Variants in CPEB1 observed in about 807,000 individuals in gnomAD.
CPEB1 encodes the protein cytoplasmic polyadenylation element binding protein 1, also known as cytoplasmic polyadenylation element-binding protein 1.
CPEB1 carries 7 observed loss-of-function variants against 65.8 expected under a neutral mutation model. The observed-to-expected ratio is 0.11, with a 90% CI of 0.06 to 0.20. The LOEUF is 0.20. Ranked by LOEUF, CPEB1 falls within the 10% of genes least tolerant of loss-of-function variation. The pLI, the probability that CPEB1 is intolerant of heterozygous loss-of-function variation, is 1.00. For synonymous variants in CPEB1, 262 were observed against 260.0 expected, an observed-to-expected ratio of 1.01 and a Z score of -0.08; for missense variants, 551 against 712.2, an observed-to-expected ratio of 0.77 and a Z score of 2.58.
At chr15:82,561,803 T>C (rs1303820983) in intron 4 of CPEB1, among the ~76,000 whole-genome samples, 1 of 152,200 alleles carries the variant, frequency 6.6e-6, no homozygotes, top group African/African-American at 2.4e-5. Flanking sequence ...ATCTCTGTAG[T>C]GATCCTCTAA....
chr15:82,589,877 A>G (rs1567204995), intron 3 of CPEB1, among the ~76,000 whole-genome samples: 2 of 152,228 alleles, frequency 1.3e-5, no homozygotes, highest in Non-Finnish European at 2.9e-5. Context: ...CAGTATAACT[A>G]TTTACACTGC....
At chr15:82,569,516 G>A (rs2039689713) in intron 4 of CPEB1, among the ~76,000 whole-genome samples, 1 of 152,178 alleles carries the variant, frequency 6.6e-6, no homozygotes, top group African/African-American at 2.4e-5. Flanking sequence ...ATGGAAAGTG[G>A]AAAAGAAAAA....
At chr15:82,611,599 A>G (rs2044157504) in intron 3 of CPEB1, among the ~76,000 whole-genome samples, 1 of 151,914 alleles carries the variant, frequency 6.6e-6, no homozygotes, top group Non-Finnish European at 1.5e-5. Flanking sequence ...TCTACAAAAA[A>G]ATAAAAATAA....
rs587761633 is a variant in CPEB1, at chr15:82,643,759, TG to T, written c.-98+3377del. Among the ~76,000 whole-genome samples the T allele has an allele frequency of 5.0e-3, 754 of 152,318 alleles. 8 individuals are homozygous for T. The highest frequency in any genetic ancestry group is 0.017 in the African/African-American group (710 of 41,582). On this transcript the variant is annotated intron_variant, in intron 1 of 12. Transcript: ENST00000684509. ...AATTGAAACCCCAGCCCCTCATTTC[TG>T]GGGCAGGGCTATTTTATGCCCCGGG...
chr15:82,553,088 C>T (rs1317583498), intron 8 of CPEB1, among the ~76,000 whole-genome samples: 3 of 152,184 alleles, frequency 2.0e-5, no homozygotes, highest in Non-Finnish European at 4.4e-5. Context: ...CTGCCAACTC[C>T]AAAGGGACTT....
chr15:82,608,999 C>A (rs2043882324), intron 3 of CPEB1, among the ~76,000 whole-genome samples: 1 of 152,100 alleles, frequency 6.6e-6, no homozygotes, highest in Admixed American at 6.6e-5. Flanking sequence ...GTACATTCTG[C>A]AACCACAAAA....
intron 3 of CPEB1, among the ~76,000 whole-genome samples, chr15:82,625,229 TAA>T (rs1025438215): frequency 1.7e-4 from 26 of 152,268 alleles, no homozygotes; most frequent in African/African-American, 6.0e-4. Context: ...CAGCGTAAAC[TAA>T]AAGAGAATTG....
At chr15:82,646,904 G>T (rs1430159421) in intron 1 of CPEB1, 5 of 152,382 alleles carry the variant, frequency 3.3e-5, no homozygotes, top group Admixed American at 1.3e-4. Context: ...CACGGGGGGC[G>T]ACTCGTCCAG....
chr15:82,587,180 T>C (rs2151127775), intron 3 of CPEB1, among the ~76,000 whole-genome samples: 2 of 152,260 alleles, frequency 1.3e-5, no homozygotes, highest in South Asian at 4.2e-4. Flanking sequence ...TGATGAGCCA[T>C]TTAGGTAATT....
intron 3 of CPEB1, among the ~76,000 whole-genome samples, chr15:82,618,292 C>T (rs920579912): frequency 2.0e-5 from 3 of 152,176 alleles, no homozygotes; most frequent in African/African-American, 7.2e-5. Flanking sequence ...GAGGCAAAAA[C>T]ACTTTTTGTG....
chr15:82,618,038 G>T (rs554810825), intron 3 of CPEB1, among the ~76,000 whole-genome samples: 1 of 151,546 alleles, frequency 6.6e-6, no homozygotes, highest in Non-Finnish European at 1.5e-5. Context: ...ATTAACTTTT[G>T]TAACTTCTTT....
intron 1 of CPEB1, among the ~76,000 whole-genome samples, chr15:82,638,276 T>G (rs2046828968): frequency 6.6e-6 from 1 of 152,200 alleles, no homozygotes; most frequent in Non-Finnish European, 1.5e-5. Flanking sequence ...TGCTGTTACA[T>G]TAAAACACAT....
intron 4 of CPEB1, among the ~76,000 whole-genome samples, chr15:82,561,113 G>C (rs2150994916): frequency 6.6e-6 from 1 of 152,366 alleles, no homozygotes; most frequent in Non-Finnish European, 1.5e-5. Flanking sequence ...ACACGAAGAG[G>C]TGGGACATTG....
At chr15:82,622,371 C>T (rs1319288071) in intron 3 of CPEB1, among the ~76,000 whole-genome samples, 4 of 151,948 alleles carry the variant, frequency 2.6e-5, no homozygotes, top group South Asian at 2.1e-4. Flanking sequence ...TGTATATAAA[C>T]GGGGAATTCA....
intron 3 of CPEB1, among the ~76,000 whole-genome samples, chr15:82,616,236 A>C (rs2044695072): frequency 6.6e-6 from 1 of 152,078 alleles, no homozygotes; most frequent in African/African-American, 2.4e-5. Context: ...TTGTTTTGTG[A>C]CAATTTACCC....
In CPEB1 at chr15:82,628,519, T is replaced by C; in HGVS notation, c.-60A>G. ...TTATTCAAGGCTGCTTTTGACTTCT[T>C]TTACAATACAGACCCTTCTATTACA... On this transcript the variant is annotated 5_prime_UTR_variant, in exon 2 of 13. Coordinates refer to ENST00000684509, the MANE Select transcript of CPEB1 (RefSeq NM_001365242.1). 1.4e-6 allele frequency: 1 copy of C among 698,424 alleles called. No individual in the cohort carries two copies. Among genetic ancestry groups the C allele is most frequent in the Non-Finnish European group, 2.6e-6 (1 of 383,554 alleles). 43.3% of individuals were successfully genotyped at this position (698,424 alleles called of 1,614,324 possible).
rs754534576 is a variant in CPEB1, at chr15:82,572,971, G to A, written c.272-1439C>T. 82 of 1,416,976 alleles carry A rather than the reference G, an allele frequency of 5.8e-5. No homozygotes were observed. In the African/African-American group the frequency reaches 1.1e-3, roughly 18 times the overall value. The allele number at this position is 1,416,976 out of a possible 1,614,324, so 87.8% of individuals were successfully genotyped here. The stretch of plus-strand genomic sequence containing the variant: ...ACTGGGCTTCTTCCTCATAAAGGAG[G>A]GTAGGGCAACAGGCCCAGACTCACC... On this transcript the variant is annotated intron_variant, in intron 3 of 12. Coordinates refer to ENST00000684509, the MANE Select transcript of CPEB1 (RefSeq NM_001365242.1).
At chr15:82,615,072 A>C (rs2044584269) in intron 3 of CPEB1, among the ~76,000 whole-genome samples, 1 of 152,172 alleles carries the variant, frequency 6.6e-6, no homozygotes, top group South Asian at 2.1e-4. Flanking sequence ...CTAAAGAGGA[A>C]ATTTAAACTC....
chr15:82,634,799 T>C (rs575592603), intron 1 of CPEB1, among the ~76,000 whole-genome samples: 1 of 152,268 alleles, frequency 6.6e-6, no homozygotes, highest in South Asian at 2.1e-4. Flanking sequence ...GAAAGTAATA[T>C]ACTTAGATGT....
Sources: allele counts gnomAD v4.1 joint callset (sites outside exome capture counted in the v4.1 genomes callset), GRCh38; gene constraint gnomAD v4.1.1; transcripts MANE v1.5; gene names NCBI Gene and HGNC (gene_info 2026-07-23, HGNC 2026-07-21).